Variants in ADGRL3 observed in about 807,000 individuals in gnomAD.
The protein encoded by ADGRL3 is adhesion G protein-coupled receptor L3.
Under a neutral mutation model 153.5 loss-of-function variants are expected in ADGRL3, and 62 were observed. The observed-to-expected ratio is 0.40, with a 90% confidence interval of 0.33 to 0.50. ADGRL3 has a LOEUF of 0.50. Ranked by LOEUF, ADGRL3 falls within the 20% of genes least tolerant of loss-of-function variation. The pLI, the probability that ADGRL3 is intolerant of heterozygous loss-of-function variation, is 0.47. For synonymous variants in ADGRL3, 710 were observed against 672.5 expected (o/e 1.06, Z -0.86); for missense variants, 1,641 against 1,859.4 (o/e 0.88, Z 2.16).
chr4:61,528,986 C>T (rs531129162), intron 4 of ADGRL3, among the ~76,000 whole-genome samples: 6 of 152,066 alleles, frequency 3.9e-5, no homozygotes, highest in African/African-American at 1.4e-4. Context: ...GTTTTTCAAG[C>T]AGAGAACTCA....
At chr4:62,036,912 ATT>A (rs552645405) in intron 23 of ADGRL3, among the ~76,000 whole-genome samples, 2 of 152,068 alleles carry the variant, frequency 1.3e-5, no homozygotes, top group Non-Finnish European at 2.9e-5. Context: ...GGTAATAAAA[ATT>A]TTAGACATGA....
At chr4:61,735,721 A>G (rs1462999070) in intron 8 of ADGRL3, among the ~76,000 whole-genome samples, 2 of 152,172 alleles carry the variant, frequency 1.3e-5, no homozygotes, top group Non-Finnish European at 2.9e-5. Flanking sequence ...ATCAGTGAAT[A>G]AGAGGCAATA....
At chr4:61,323,674 C>T (rs1269496099) in intron 1 of ADGRL3, among the ~76,000 whole-genome samples, 1 of 152,194 alleles carries the variant, frequency 6.6e-6, no homozygotes, top group Admixed American at 6.5e-5. Context: ...GAGACCACCT[C>T]AGCCTGGACC....
chr4:61,220,079 T>A (rs1230429182), intron 1 of ADGRL3, among the ~76,000 whole-genome samples: 2 of 141,334 alleles, frequency 1.4e-5, no homozygotes, highest in African/African-American at 2.7e-5. Context: ...GCCATTGCAC[T>A]CCAGCCTGGG....
intron 1 of ADGRL3, among the ~76,000 whole-genome samples, chr4:61,287,367 G>A (rs773965886): frequency 2.6e-5 from 4 of 151,626 alleles, no homozygotes; most frequent in Non-Finnish European, 4.4e-5. Context: ...CTAACATATC[G>A]ACATTTCCAT....
At position 62,075,871 on chromosome 4, in the gene ADGRL3, T is replaced by A. The variant is rs1456081065; in HGVS notation, c.*4963T>A. ...ATAACATCTTAAAAATATTAAACAA[T>A]TAAATTTTCATTTGTAGGCTAGCAG... On this transcript the variant is annotated 3_prime_UTR_variant, in exon 27 of 27. Transcript: ENST00000683033. 1 of 152,166 alleles carries A rather than the reference T, an allele frequency of 6.6e-6. No individual in the cohort carries two copies. The highest frequency in any genetic ancestry group is 1.5e-5 in the Non-Finnish European group (1 of 68,022). 9.4% of individuals were successfully genotyped at this position (152,166 alleles called of 1,614,324 possible). A position where few individuals can be genotyped will look rare whatever the true frequency, so the allele number is the denominator to read the frequency against.
intron 8 of ADGRL3, among the ~76,000 whole-genome samples, chr4:61,739,823 A>G (rs2096562663): frequency 6.6e-6 from 1 of 152,170 alleles, no homozygotes; most frequent in African/African-American, 2.4e-5. Flanking sequence ...GTACATTAAT[A>G]CGTAATGTGT....
At chr4:61,463,472 A>G (rs928626714) in intron 2 of ADGRL3, among the ~76,000 whole-genome samples, 2 of 152,086 alleles carry the variant, frequency 1.3e-5, no homozygotes, top group Non-Finnish European at 2.9e-5. Flanking sequence ...CTCACTCACT[A>G]TCATGAGAAG....
At chr4:61,708,955 G>A (rs534338342) in intron 6 of ADGRL3, among the ~76,000 whole-genome samples, 19 of 151,962 alleles carry the variant, frequency 1.3e-4, no homozygotes, top group African/African-American at 4.1e-4. Flanking sequence ...GACTCCAGGC[G>A]TGCACCACCA....
intron 1 of ADGRL3, among the ~76,000 whole-genome samples, chr4:61,313,877 C>G (rs533349456): frequency 6.6e-6 from 1 of 152,158 alleles, no homozygotes; most frequent in African/African-American, 2.4e-5. Flanking sequence ...GGACACCATC[C>G]CATCGCAGGG....
chr4:61,331,218 C>A (rs1444451851), intron 1 of ADGRL3, among the ~76,000 whole-genome samples: 1 of 152,068 alleles, frequency 6.6e-6, no homozygotes, highest in African/African-American at 2.4e-5. Flanking sequence ...AGTATAAATA[C>A]CTATACGTAA....
At chr4:61,916,245 T>C (rs1446546066) in intron 13 of ADGRL3, among the ~76,000 whole-genome samples, 1 of 152,090 alleles carries the variant, frequency 6.6e-6, no homozygotes, top group South Asian at 2.1e-4. Context: ...ACAAAAAAAA[T>C]TAAGTTTAAT....
At chr4:61,864,873 T>C (rs1445543240) in intron 9 of ADGRL3, among the ~76,000 whole-genome samples, 1 of 152,208 alleles carries the variant, frequency 6.6e-6, no homozygotes, top group Non-Finnish European at 1.5e-5. Context: ...GCTGTGGAAC[T>C]AAAATGAAAT....
At chr4:62,025,259 C>T (rs745572745) in intron 21 of ADGRL3, among the ~76,000 whole-genome samples, 26 of 152,066 alleles carry the variant, frequency 1.7e-4, no homozygotes, top group Non-Finnish European at 3.1e-4. Context: ...CCAAGCTATT[C>T]GTGTTATTAT....
intron 6 of ADGRL3, among the ~76,000 whole-genome samples, chr4:61,723,622 A>G (rs2096277111): frequency 6.6e-6 from 1 of 152,110 alleles, no homozygotes; most frequent in African/African-American, 2.4e-5. Context: ...TTTAATGTAC[A>G]GATGCAGGTC....
At chr4:61,718,268 G>T (rs1184824841) in intron 6 of ADGRL3, among the ~76,000 whole-genome samples, 2 of 151,850 alleles carry the variant, frequency 1.3e-5, no homozygotes, top group Non-Finnish European at 1.5e-5. Flanking sequence ...CTTTAAATTT[G>T]CCTTTCTTAA....
intron 6 of ADGRL3, among the ~76,000 whole-genome samples, chr4:61,720,501 T>G (rs1164926218): frequency 6.6e-6 from 1 of 152,218 alleles, no homozygotes. Context: ...TAAAGTAATT[T>G]TCTATTTCTG....
intron 21 of ADGRL3, 59 bp downstream of exon 21, chr4:61,998,324 C>T (rs1467937779): frequency 1.2e-6 from 1 of 813,158 alleles, no homozygotes; most frequent in Non-Finnish European, 1.9e-6. Flanking sequence ...TCCAAACTAT[C>T]CTTTCTATTA....
At chr4:61,769,705 CA>C (rs2097058589) in intron 8 of ADGRL3, among the ~76,000 whole-genome samples, 1 of 150,338 alleles carries the variant, frequency 6.7e-6, no homozygotes, top group Non-Finnish European at 1.5e-5. Context: ...AGGAAAATTA[CA>C]GTCCAAGGGG....
Sources: gnomAD v4.1 joint callset for allele counts (sites outside exome capture counted in the v4.1 genomes callset) on GRCh38, gnomAD v4.1.1 for gene constraint, MANE v1.5 for transcripts, NCBI Gene and HGNC (gene_info 2026-07-23, HGNC 2026-07-21) for gene names.